Variants in RYR1 observed in about 807,000 individuals in gnomAD.
The protein encoded by RYR1 is ryanodine receptor 1, also known as central core disease of muscle.
RYR1 carries 342 observed loss-of-function variants against 583.5 expected under a neutral mutation model. That is an observed-to-expected ratio of 0.59 (90% CI 0.54 to 0.64). The LOEUF (loss-of-function observed/expected upper bound fraction) is 0.64, where lower values mean the gene tolerates loss of function less well. Ranked by LOEUF, RYR1 falls within the 30% of genes least tolerant of loss-of-function variation. The pLI, the probability that RYR1 is intolerant of heterozygous loss-of-function variation, is 0.00. For synonymous variants in RYR1, 2,791 were observed against 2,822.5 expected (o/e 0.99, Z 0.35); for missense variants, 6,032 against 6,917.2 (o/e 0.87, Z 4.54).
intron 65 of RYR1, 37 bp downstream of exon 65, chr19:38,516,254 A>G (rs2145677871): frequency 6.4e-7 from 1 of 1,571,218 alleles, no homozygotes; most frequent in Non-Finnish European, 8.6e-7. Flanking sequence ...CTGGGAGTCC[A>G]AATCTCCCCA....
In RYR1 at chr19:38,507,062, A is replaced by T. The variant is rs1269939684; in HGVS notation, c.8816+110A>T. 3.2e-6 allele frequency: 5 copies of T among 1,539,128 alleles called. No individual in the cohort carries two copies. In the East Asian group the frequency reaches 9.4e-5, roughly 29 times the overall value. On this transcript the variant is annotated intron_variant, in intron 57 of 105. Coordinates refer to ENST00000359596, the MANE Select transcript of RYR1 (RefSeq NM_000540.3). ...GAGCCGAGAGGAACGGGGCCTGAGG[A>T]GCAAAGATGGAACCAGAGGGGAGGA... is the stretch of plus-strand genomic sequence containing the variant.
chr19:38,452,126 CAAAAAA>C (rs66571762), intron 12 of RYR1, among the ~76,000 whole-genome samples: 58 of 68,868 alleles, frequency 8.4e-4, no homozygotes, highest in African/African-American at 3.0e-3. Flanking sequence ...CCGCCTCTAC[CAAAAAA>C]AAAAAAAAAA....
intron 39 of RYR1, among the ~76,000 whole-genome samples, chr19:38,495,602 C>T (rs1024431894): frequency 6.6e-6 from 1 of 152,142 alleles, no homozygotes; most frequent in African/African-American, 2.4e-5. Flanking sequence ...CTGCCTTGGC[C>T]TCCCAAAGGG....
chr19:38,523,813 G>A (rs1971332957), intron 69 of RYR1, 102 bp from the exon 70 acceptor site: 1 of 1,467,580 alleles, frequency 6.8e-7, no homozygotes, highest in South Asian at 1.1e-5. Flanking sequence ...CATGGCGGGT[G>A]GGGCAGAGGA....
chr19:38,544,255 A>G (rs961556131), intron 87 of RYR1, among the ~76,000 whole-genome samples: 3 of 152,156 alleles, frequency 2.0e-5, no homozygotes, highest in African/African-American at 7.2e-5. Flanking sequence ...GGCTGAGGAA[A>G]TGTTTTGCTT....
rs538500669 is a variant in RYR1 at position 38,519,244 on chromosome 19, G to A, written c.10049G>A (p.Arg3350Gln). The change falls in exon 67 of 106, where the codon CGG (arginine) becomes CAG (glutamine). Residue 3350 changes from arginine to glutamine, a missense_variant. By Grantham distance (43) the Arg-to-Gln change is conservative (BLOSUM62 1). Transcript: ENST00000359596. ...VFAQPIVSRA[R>Q]PELLQSHFIP... ...GCACAGCCCATTGTGAGCCGTGCAC[G>A]GCCGGAGCTCCTGCAGTCCCACTTC... The A allele has an allele frequency of 5.0e-6, 8 of 1,613,978 alleles. No individual in the cohort carries two copies. Among genetic ancestry groups the A allele is most frequent in the African/African-American group, 1.3e-5 (1 of 74,914 alleles).
intron 105 of RYR1, 68 bp from the exon 106 acceptor site, chr19:38,587,255 AAT>A (rs60733320): frequency 0.041 from 32,905 of 801,486 alleles, no homozygotes; most frequent in East Asian, 0.06. Flanking sequence ...CCTGTCTAAA[AAT>A]ATATATATAT....
chr19:38,572,862 GT>G (rs1973783323), intron 95 of RYR1, among the ~76,000 whole-genome samples: 1 of 141,224 alleles, frequency 7.1e-6, no homozygotes, highest in Non-Finnish European at 1.5e-5. Context: ...TGCTCTGCCT[GT>G]GCCCCCCAAT....
chr19:38,464,841 T>G, intron 23 of RYR1, 119 bp downstream of exon 23: 1 of 842,078 alleles, frequency 1.2e-6, no homozygotes, highest in Non-Finnish European at 2.0e-6. Flanking sequence ...GAAGGAGACT[T>G]GGGTTAGGGT....
chr19:38,517,549 C>G lies in RYR1; in HGVS notation c.9876C>G (p.Pro3292=). ...GGTGGGAGCGCGGGCCCGAGGCACC[C>G]CCTTCCGCCCTGCCCGCCGGCGCCC... ...PRWWERGPEA[P]PSALPAGAPP... The change falls in exon 66 of 106, where the codon CCC becomes CCG. Residue 3292 remains proline (P), a synonymous_variant. Transcript: ENST00000359596. The G allele has an allele frequency of 6.2e-7, 1 of 1,613,808 alleles. No individual in the cohort carries two copies. Among genetic ancestry groups the G allele is most frequent in the Non-Finnish European group, 8.5e-7 (1 of 1,179,818 alleles).
chr19:38,574,292 G>A (rs1599653262), intron 96 of RYR1, among the ~76,000 whole-genome samples: 2 of 141,462 alleles, frequency 1.4e-5, no homozygotes, highest in Admixed American at 7.3e-5. Flanking sequence ...GAAAAAGAAA[G>A]GAAAAAAAAA....
intron 3 of RYR1, among the ~76,000 whole-genome samples, chr19:38,443,005 C>T (rs1972769307): frequency 6.6e-6 from 1 of 152,212 alleles, no homozygotes; most frequent in African/African-American, 2.4e-5. Flanking sequence ...GGGCATGTGA[C>T]AGCCATGATG....
chr19:38,464,767 TG>T, intron 23 of RYR1, 45 bp downstream of exon 23: 1 of 1,522,518 alleles, frequency 6.6e-7, no homozygotes, highest in Non-Finnish European at 8.9e-7. Flanking sequence ...GACTGGGGGC[TG>T]GGGATGCTGT....
Position 38,536,058 on chromosome 19 carries a change from G to A in RYR1, c.11578G>A (p.Glu3860Lys), listed in dbSNP as rs199737015. ...GGCCGAGGGGCTGGGCATGGTGAAT[G>A]AGGATGGCACTGGTGAGGCCCTCCC... Reference protein sequence around the residue: ...NKAEGLGMVNEDGTVINRQNG... With the variant: ...NKAEGLGMVNKDGTVINRQNG... The change falls in exon 82 of 106, where the codon GAG becomes AAG. Residue 3860 changes from glutamate (E) to lysine (K), a missense_variant. By Grantham distance (56) the Glu-to-Lys change is moderately conservative. Around this residue, in one of 11 missense-constraint regions of RYR1, gnomAD observed 1,493 missense variants for 1,715.5 expected, o/e 0.87. Transcript: ENST00000359596. The A allele has an allele frequency of 6.2e-6, 10 of 1,613,170 alleles. No homozygotes were observed. In the East Asian group the frequency reaches 2.2e-4, roughly 36 times the overall value.
rs1968534043 is a variant in RYR1 at position 38,473,412 on chromosome 19, C to T, written c.3801C>T (p.Pro1267=). The T allele has an allele frequency of 2.5e-6, 4 of 1,613,804 alleles. No individual in the cohort carries two copies. Among genetic ancestry groups the T allele is most frequent in the Non-Finnish European group, 3.4e-6 (4 of 1,179,986 alleles). Residue 1267 remains proline (P), a synonymous_variant, in exon 28 of 106, where the codon CCC becomes CCT. Coordinates refer to ENST00000359596, the MANE Select transcript of RYR1 (RefSeq NM_000540.3). ...TGGACGGCACTGTGGACACGCCCCC[C>T]TGCCTGCGCCTGACCCACCGCACCT... ...SRVDGTVDTP[P]CLRLTHRTWG...
intron 96 of RYR1, among the ~76,000 whole-genome samples, chr19:38,575,334 G>T (rs1347471594): frequency 1.3e-5 from 2 of 152,160 alleles, no homozygotes; most frequent in Non-Finnish European, 2.9e-5. Flanking sequence ...AAAGATGGCA[G>T]TGGGGTCCCC....
intron 31 of RYR1, among the ~76,000 whole-genome samples, chr19:38,478,854 G>C (rs962900287): frequency 1.9e-4 from 29 of 152,118 alleles, no homozygotes; most frequent in African/African-American, 7.0e-4. Flanking sequence ...TGCAACCTTC[G>C]CCTCCTGGGT....
At chr19:38,455,586 G>C in intron 15 of RYR1, 40 bp downstream of exon 15, 4 of 1,611,462 alleles carry the variant, frequency 2.5e-6, no homozygotes, top group Non-Finnish European at 3.4e-6. Flanking sequence ...GCTTGTGGGA[G>C]GGGATGGGCA....
chr19:38,573,269 C>G lies in RYR1; in HGVS notation c.14091C>G (p.Asp4697Glu). 1 of 1,613,860 alleles carries G rather than the reference C, an allele frequency of 6.2e-7. No individual in the cohort carries two copies. Among genetic ancestry groups the G allele is most frequent in the Non-Finnish European group, 8.5e-7 (1 of 1,179,904 alleles). ...LYITEQPEDD[D>E]VKGQWDRLVL... The stretch of plus-strand genomic sequence containing the variant: ...TCACGGAGCAGCCTGAGGACGATGA[C>G]GTGAAGGGGCAGTGGGACCGACTGG... Residue 4697 changes from aspartate (D) to glutamate (E), a missense_variant, in exon 96 of 106, where the codon GAC (aspartate) becomes GAG (glutamate). By Grantham distance (45) the Asp-to-Glu change is conservative. Coordinates refer to ENST00000359596, the MANE Select transcript of RYR1 (RefSeq NM_000540.3).
Sources: gnomAD v4.1 joint callset for allele counts (sites outside exome capture counted in the v4.1 genomes callset) on GRCh38, gnomAD v4.1.1 for gene constraint, gnomAD v4.1.1 regional missense constraint, MANE v1.5 for transcripts, NCBI Gene and HGNC (gene_info 2026-07-23, HGNC 2026-07-21) for gene names.